GRID1: variants seen among roughly 807,000 people sequenced by gnomAD.
GRID1 encodes glutamate ionotropic receptor delta type subunit 1, also known as glutamate receptor ionotropic, delta-1.
Under a neutral mutation model 98.0 loss-of-function variants are expected in GRID1, and 28 were observed. The ratio of observed to expected loss-of-function variants is 0.29; its 90% CI spans 0.21 to 0.39. The LOEUF is 0.39. GRID1 is among the 10% of genes least tolerant of loss of function. The pLI, the probability that GRID1 is intolerant of heterozygous loss-of-function variation, is 1.00. For missense variants in GRID1, 1,111 were observed against 1,340.5 expected, an observed-to-expected ratio of 0.83 and a Z score of 2.67; for synonymous variants, 553 against 538.5, an observed-to-expected ratio of 1.03 and a Z score of -0.37.
intron 2 of GRID1, among the ~76,000 whole-genome samples, chr10:86,323,020 G>A (rs2132096848): frequency 6.6e-6 from 1 of 152,122 alleles, no homozygotes; most frequent in Non-Finnish European, 1.5e-5. Flanking sequence ...ACTTGAACCT[G>A]GGAGGTGCAG....
At chr10:85,777,639 A>T (rs537951236) in intron 8 of GRID1, among the ~76,000 whole-genome samples, 1 of 152,368 alleles carries the variant, frequency 6.6e-6, no homozygotes, top group African/African-American at 2.4e-5. Flanking sequence ...CCATGATTTC[A>T]TGTAAAAGGA....
At chr10:85,816,511 G>A (rs996798502) in intron 8 of GRID1, among the ~76,000 whole-genome samples, 1 of 152,130 alleles carries the variant, frequency 6.6e-6, no homozygotes. Context: ...TTGGTTGCCT[G>A]GCTGGTTTTT....
intron 4 of GRID1, among the ~76,000 whole-genome samples, chr10:86,125,699 G>A (rs759597545): frequency 6.6e-6 from 1 of 151,612 alleles, no homozygotes; most frequent in Non-Finnish European, 1.5e-5. Context: ...CATCTCTCCC[G>A]CCTCGGCCAC....
intron 4 of GRID1, among the ~76,000 whole-genome samples, chr10:86,000,375 A>C (rs1475032581): frequency 6.6e-6 from 1 of 152,214 alleles, no homozygotes; most frequent in East Asian, 1.9e-4. Context: ...TCCTCTCCAA[A>C]TTGGTCTATA....
intron 2 of GRID1, among the ~76,000 whole-genome samples, chr10:86,237,993 T>A (rs1490132864): frequency 6.6e-6 from 1 of 152,220 alleles, no homozygotes; most frequent in Admixed American, 6.5e-5. Flanking sequence ...ACTTTGGAAC[T>A]GGGTAATTGC....
chr10:85,684,286 A>G (rs950787575), intron 12 of GRID1, among the ~76,000 whole-genome samples: 1 of 152,246 alleles, frequency 6.6e-6, no homozygotes, highest in African/African-American at 2.4e-5. Context: ...CTTTCATAAC[A>G]AAATCTGATA....
intron 13 of GRID1, among the ~76,000 whole-genome samples, chr10:85,643,140 T>G (rs1029566031): frequency 1.3e-5 from 2 of 152,164 alleles, no homozygotes; most frequent in African/African-American, 4.8e-5. Flanking sequence ...AATTAGACAT[T>G]GCTCCACTAC....
chr10:86,108,145 T>G (rs971246597), intron 4 of GRID1, among the ~76,000 whole-genome samples: 2 of 152,284 alleles, frequency 1.3e-5, no homozygotes, highest in African/African-American at 2.4e-5. Context: ...GACATCGCCA[T>G]GGGGTCGGAG....
intron 8 of GRID1, among the ~76,000 whole-genome samples, chr10:85,853,774 T>G (rs1333470372): frequency 6.6e-6 from 1 of 152,210 alleles, no homozygotes; most frequent in Non-Finnish European, 1.5e-5. Context: ...CTCTTTGTCC[T>G]AGCCCTGTTA....
At chr10:86,069,149 C>CTA (rs1256900388) in intron 4 of GRID1, among the ~76,000 whole-genome samples, 5 of 151,952 alleles carry the variant, frequency 3.3e-5, no homozygotes, top group African/African-American at 1.2e-4. Flanking sequence ...TTCAGGCTCT[C>CTA]TAATGACAGC....
At chr10:86,331,608 C>T (rs930086989) in intron 2 of GRID1, among the ~76,000 whole-genome samples, 1 of 152,224 alleles carries the variant, frequency 6.6e-6, no homozygotes, top group African/African-American at 2.4e-5. Flanking sequence ...CTCCCCAAAA[C>T]ACTGACTTGG....
At chr10:85,807,955 A>AT (rs1842637843) in intron 8 of GRID1, among the ~76,000 whole-genome samples, 2 of 152,212 alleles carry the variant, frequency 1.3e-5, no homozygotes, top group Admixed American at 1.3e-4. Context: ...TTAACATAAC[A>AT]GTGTTGAGTT....
In GRID1 at chr10:86,000,920, T is replaced by G. The variant is rs140398807; in HGVS notation, c.727-84681A>C. ...AAAAAGCTTTTAGTGGCACTCTTCA[T>G]AATTACCAAAAACTAGAAACAACCA... On this transcript the variant is annotated intron_variant, in intron 4 of 15. Coordinates refer to ENST00000327946, the MANE Select transcript of GRID1 (RefSeq NM_017551.3). Among the ~76,000 whole-genome samples, 6 of 120,942 alleles carry G rather than the reference T, an allele frequency of 5.0e-5. No homozygotes were observed. The East Asian group carries it at 1.5e-3, about 30-fold the overall frequency. The allele number at this position is 120,942 out of a possible 152,430, so 79.3% of individuals were successfully genotyped here. A position where few individuals can be genotyped will look rare whatever the true frequency, so the allele number is the denominator to read the frequency against.
chr10:86,269,677 C>T (rs1200770039), intron 2 of GRID1, among the ~76,000 whole-genome samples: 1 of 152,222 alleles, frequency 6.6e-6, no homozygotes, highest in Non-Finnish European at 1.5e-5. Context: ...TCTAGGGCTG[C>T]TTTCACTCCC....
rs947614262 is a variant in GRID1 at position 86,165,293 on chromosome 10, G to A, written c.521-26269C>T. Among the ~76,000 whole-genome samples the A allele has an allele frequency of 5.9e-5, 9 of 152,356 alleles. No individual in the cohort carries two copies. In the East Asian group the frequency reaches 1.5e-3, roughly 26 times the overall value. On this transcript the variant is annotated intron_variant, in intron 3 of 15. Coordinates refer to ENST00000327946, the MANE Select transcript of GRID1 (RefSeq NM_017551.3). ...ATCTGAGATGAGGCCAAGACAAATG[G>A]TTGTGTCAAAGCATCTGCAAGTTTC...
chr10:85,647,158 G>A, intron 13 of GRID1, 44 bp downstream of exon 13: 1 of 1,515,890 alleles, frequency 6.6e-7, no homozygotes, highest in African/African-American at 1.4e-5. Flanking sequence ...ACCACCCCGT[G>A]GCCCTGTTAC....
At chr10:86,354,248 A>G (rs1848503181) in intron 2 of GRID1, among the ~76,000 whole-genome samples, 1 of 152,248 alleles carries the variant, frequency 6.6e-6, no homozygotes, top group Admixed American at 6.5e-5. Flanking sequence ...CTGGGCCCAG[A>G]GCTCCAGGCA....
At chr10:85,660,345 C>T (rs1357648430) in intron 12 of GRID1, among the ~76,000 whole-genome samples, 1 of 152,194 alleles carries the variant, frequency 6.6e-6, no homozygotes, top group Non-Finnish European at 1.5e-5. Context: ...TGCCAGTATT[C>T]AACAGTGTTT....
At chr10:85,996,693 A>G (rs1350908318) in intron 4 of GRID1, among the ~76,000 whole-genome samples, 1 of 152,028 alleles carries the variant, frequency 6.6e-6, no homozygotes, top group Non-Finnish European at 1.5e-5. Context: ...GCCAGGCATG[A>G]TGGTGGGTGC....
Sources: allele counts gnomAD v4.1 joint callset (sites outside exome capture counted in the v4.1 genomes callset), GRCh38; gene constraint gnomAD v4.1.1; transcripts MANE v1.5; gene names NCBI Gene and HGNC (gene_info 2026-07-23, HGNC 2026-07-21).